Variants in AP1AR observed in about 807,000 individuals in gnomAD.
AP1AR encodes the protein AP-1 complex-associated regulatory protein.
A neutral mutation model predicts 46.3 loss-of-function variants in AP1AR; 29 were observed. The observed-to-expected ratio is 0.63, with a 90% CI of 0.47 to 0.85. The LOEUF (loss-of-function observed/expected upper bound fraction) is 0.85, where lower values mean the gene tolerates loss of function less well. AP1AR is among the 40% of genes least tolerant of loss of function. The probability of loss-of-function intolerance (pLI) is 0.00; values close to 1 mark genes in which losing one functional copy is unlikely to be tolerated. For synonymous variants in AP1AR, 122 were observed against 122.9 expected, an observed-to-expected ratio of 0.99 and a Z score of 0.05; for missense variants, 357 against 356.3, an observed-to-expected ratio of 1.00 and a Z score of -0.02.
intron 1 of AP1AR, among the ~76,000 whole-genome samples, chr4:112,245,171 T>C (rs1725671617): frequency 6.6e-6 from 1 of 152,156 alleles, no homozygotes. Context: ...CTCCTAATTT[T>C]TAGTGAAAAT....
intron 1 of AP1AR, among the ~76,000 whole-genome samples, chr4:112,252,563 T>G (rs1247840907): frequency 6.6e-6 from 1 of 152,220 alleles, no homozygotes; most frequent in East Asian, 1.9e-4. Context: ...AAGATTCCTA[T>G]TTGACTACAT....
rs1157140436 is a variant in AP1AR at position 112,271,333 on chromosome 4, CCTCA to C, written c.*2928_*2931del. 6.6e-6 allele frequency among the ~76,000 whole-genome samples: 1 copy of C among 152,200 alleles called. No individual in the cohort carries two copies. Among genetic ancestry groups the C allele is most frequent in the Non-Finnish European group, 1.5e-5 (1 of 68,030 alleles). On this transcript the variant is annotated 3_prime_UTR_variant, in exon 10 of 10. Transcript: ENST00000274000. ...TTCTCATCCAGCTGGTTTCCAGTGA[CCTCA>C]CTCTCATTCAGGTGCAGATACCGAC...
chr4:112,263,833 A>G (rs539160955), intron 6 of AP1AR, among the ~76,000 whole-genome samples: 5 of 152,204 alleles, frequency 3.3e-5, no homozygotes, highest in Non-Finnish European at 7.4e-5. Flanking sequence ...ATGTTTTGTA[A>G]CTTGCTTGAG....
At chr4:112,234,861 T>G (rs1165693338) in intron 1 of AP1AR, among the ~76,000 whole-genome samples, 1 of 152,210 alleles carries the variant, frequency 6.6e-6, no homozygotes, top group Non-Finnish European at 1.5e-5. Flanking sequence ...GGAAGCCTTA[T>G]GATCTAAGGC....
At chr4:112,248,707 T>C (rs1033707798) in intron 1 of AP1AR, among the ~76,000 whole-genome samples, 1 of 152,202 alleles carries the variant, frequency 6.6e-6, no homozygotes, top group African/African-American at 2.4e-5. Context: ...TGAGTTCTTA[T>C]CTAATTAATA....
chr4:112,231,818 G>C lies in AP1AR; in HGVS notation c.-274G>C, dbSNP rs1725007713. On this transcript the variant is annotated 5_prime_UTR_variant, in exon 1 of 10. Transcript: ENST00000274000. ...GCTGGGCTAGGAGCTGAGGCGAGAA[G>C]GGCCATGCGGACGGCGAGGGAGTCC... 2.9e-6 allele frequency: 1 copy of C among 343,678 alleles called. No individual in the cohort carries two copies. The highest frequency in any genetic ancestry group is 2.1e-5 in the African/African-American group (1 of 47,242). The allele number at this position is 343,678 out of a possible 1,614,324, so 21.3% of individuals were successfully genotyped here.
At position 112,266,576 on chromosome 4, in the gene AP1AR, T is replaced by G; in HGVS notation, c.515-12T>G. The G allele has an allele frequency of 6.2e-7, 1 of 1,606,576 alleles. No individual in the cohort carries two copies. Among genetic ancestry groups the G allele is most frequent in the Non-Finnish European group, 8.5e-7 (1 of 1,176,104 alleles). On this transcript the variant is annotated splice_polypyrimidine_tract_variant and intron_variant, in intron 8 of 9. Transcript: ENST00000274000. ...GATGAGAGTATTCAATTGTATTTCG[T>G]GTATATTCTAGGACTCTCATCAGAT...
At chr4:112,261,439 A>G (rs1394668201) in intron 5 of AP1AR, among the ~76,000 whole-genome samples, 1 of 152,120 alleles carries the variant, frequency 6.6e-6, no homozygotes, top group East Asian at 1.9e-4. Context: ...CTCAAAAAGG[A>G]AACAACAACA....
chr4:112,258,802 A>G (rs1409683868), intron 4 of AP1AR, among the ~76,000 whole-genome samples: 4 of 152,204 alleles, frequency 2.6e-5, no homozygotes, highest in South Asian at 2.1e-4. Flanking sequence ...CTTAAAATCT[A>G]TATTTCATTT....
intron 1 of AP1AR, among the ~76,000 whole-genome samples, chr4:112,232,753 A>G (rs564494897): frequency 1.3e-5 from 2 of 152,354 alleles, no homozygotes; most frequent in South Asian, 4.1e-4. Context: ...GGTGCTCATA[A>G]CTACAGGGAC....
chr4:112,237,345 A>G (rs4834245), intron 1 of AP1AR, among the ~76,000 whole-genome samples: 88,063 of 152,002 alleles, frequency 0.58, 26,392 homozygotes, highest in African/African-American at 0.74. Context: ...TGACCTCGTG[A>G]TCCCCCCGTC....
chr4:112,260,910 A>T, intron 5 of AP1AR, 48 bp downstream of exon 5: 2 of 1,182,924 alleles, frequency 1.7e-6, no homozygotes, highest in Non-Finnish European at 2.4e-6. Context: ...ATAAAGAGAG[A>T]ATTGTCATTA....
chr4:112,252,114 C>T (rs1271921967), intron 1 of AP1AR, among the ~76,000 whole-genome samples: 1 of 152,138 alleles, frequency 6.6e-6, no homozygotes, highest in Non-Finnish European at 1.5e-5. Flanking sequence ...TGGTGCATGC[C>T]TGTATTACTA....
chr4:112,269,093 GAT>G lies in AP1AR; in HGVS notation c.*701_*702del, dbSNP rs60391724. 4.8e-5 allele frequency: 7 copies of G among 146,118 alleles called. No homozygotes were observed. Among genetic ancestry groups the G allele is most frequent in the South Asian group, 2.2e-4 (1 of 4,644 alleles). 9.1% of individuals were successfully genotyped at this position (146,118 alleles called of 1,614,324 possible). The stretch of plus-strand genomic sequence containing the variant: ...AATAATAAAAAATAATATTTAAGAA[GAT>G]ATATATATATATATATTTAGTTTTT... On this transcript the variant is annotated 3_prime_UTR_variant, in exon 10 of 10. Coordinates refer to ENST00000274000, the MANE Select transcript of AP1AR (RefSeq NM_018569.6).
intron 1 of AP1AR, among the ~76,000 whole-genome samples, chr4:112,237,519 G>A (rs1346099338): frequency 6.6e-6 from 1 of 151,904 alleles, no homozygotes; most frequent in East Asian, 1.9e-4. Context: ...GTGCAGTGGT[G>A]TGATCTAGGC....
chr4:112,266,597 C>G lies in AP1AR; in HGVS notation c.524C>G (p.Ser175Ter). 6.2e-7 allele frequency: 1 copy of G among 1,609,894 alleles called. No individual in the cohort carries two copies. The highest frequency in any genetic ancestry group is 8.5e-7 in the Non-Finnish European group (1 of 1,177,400). The change falls in exon 9 of 10, where the codon TCA (serine) becomes TGA (stop). Residue 175 changes from serine to a stop codon, truncating the protein, a stop_gained. Coordinates refer to ENST00000274000, the MANE Select transcript of AP1AR (RefSeq NM_018569.6). LOFTEE classifies it high-confidence loss of function. The stretch of plus-strand genomic sequence containing the variant: ...TTCGTGTATATTCTAGGACTCTCAT[C>G]AGATGCTACAGTTTTGACACCAAAT... The part of the protein sequence containing the change: ...YEVFRSSRLS[S>*]DATVLTPNTE...
chr4:112,248,437 T>G (rs891283410), intron 1 of AP1AR, among the ~76,000 whole-genome samples: 1 of 152,224 alleles, frequency 6.6e-6, no homozygotes, highest in Non-Finnish European at 1.5e-5. Context: ...AAACAGTTCT[T>G]AATACTTTAA....
At position 112,268,788 on chromosome 4, in the gene AP1AR, T is replaced by C. The variant is rs1394486967; in HGVS notation, c.*379T>C. ...CTAACTATGAAAATATTAAGACTTTTTTGTTAATTCTCAGCCGATGTGAAG... is the reference window on the plus strand; with the variant it reads ...CTAACTATGAAAATATTAAGACTTTCTTGTTAATTCTCAGCCGATGTGAAG... On this transcript the variant is annotated 3_prime_UTR_variant, in exon 10 of 10. Transcript: ENST00000274000. 6.4e-6 allele frequency: 1 copy of C among 156,738 alleles called. No individual in the cohort carries two copies. The highest frequency in any genetic ancestry group is 1.4e-5 in the Non-Finnish European group (1 of 71,290). 9.7% of individuals were successfully genotyped at this position (156,738 alleles called of 1,614,324 possible).
chr4:112,265,805 G>A lies in AP1AR; in HGVS notation c.512G>A (p.Ser171Asn). 6.2e-7 allele frequency: 1 copy of A among 1,601,790 alleles called. No individual in the cohort carries two copies. The stretch of plus-strand genomic sequence containing the variant: ...TCACAGTATGAAGTTTTTCGAAGTA[G>A]TAGTAAGTTTTTTAAAGTATTTTCT... ...MKSQYEVFRS[S>N]RLSSDATVLT... is the part of the protein sequence containing the mutation. The change falls in exon 8 of 10, where the codon AGT (serine) becomes AAT (asparagine). Residue 171 changes from serine to asparagine, a missense_variant and splice_region_variant. This residue lies in a region of AP1AR where 269 missense variants were observed against 223.6 expected (regional missense o/e 1.20). Coordinates refer to ENST00000274000, the MANE Select transcript of AP1AR (RefSeq NM_018569.6).
Sources: gnomAD v4.1 joint callset for allele counts (sites outside exome capture counted in the v4.1 genomes callset) on GRCh38, gnomAD v4.1.1 for gene constraint, gnomAD v4.1.1 regional missense constraint, MANE v1.5 for transcripts, NCBI Gene and HGNC (gene_info 2026-07-23, HGNC 2026-07-21) for gene names.